Variants in VWA3B observed in about 807,000 individuals in gnomAD.
VWA3B encodes the protein von Willebrand factor A domain containing 3B, also known as von Willebrand factor A domain-containing protein 3B.
Under a neutral mutation model 158.3 loss-of-function variants are expected in VWA3B, and 138 were observed. That is an observed-to-expected ratio of 0.87 (90% CI 0.76 to 1.00). The LOEUF (loss-of-function observed/expected upper bound fraction) is 1.00, where lower values mean the gene tolerates loss of function less well. Ranked by LOEUF, VWA3B falls within the 50% of genes least tolerant of loss-of-function variation. The probability of loss-of-function intolerance (pLI) is 0.00; values close to 1 mark genes in which losing one functional copy is unlikely to be tolerated. For missense variants in VWA3B, 1,555 were observed against 1,565.1 expected, an observed-to-expected ratio of 0.99 and a Z score of 0.11; for synonymous variants, 596 against 587.3, an observed-to-expected ratio of 1.01 and a Z score of -0.21.
intron 7 of VWA3B, among the ~76,000 whole-genome samples, chr2:98,155,973 T>C (rs1678034909): frequency 6.6e-6 from 1 of 152,212 alleles, no homozygotes; most frequent in Non-Finnish European, 1.5e-5. Flanking sequence ...TGTGAACTTT[T>C]GTTGCAAAGA....
chr2:98,241,514 G>T (rs1686071744), intron 19 of VWA3B, among the ~76,000 whole-genome samples: 1 of 151,926 alleles, frequency 6.6e-6, no homozygotes, highest in South Asian at 2.1e-4. Flanking sequence ...AAACACTGCG[G>T]ATGTACCCAA....
chr2:98,190,947 C>G (rs1192285742), intron 10 of VWA3B, among the ~76,000 whole-genome samples: 1 of 152,070 alleles, frequency 6.6e-6, no homozygotes, highest in African/African-American at 2.4e-5. Flanking sequence ...GCCTCCCCCT[C>G]TCTTCTCCTT....
At chr2:98,311,732 G>T in intron 26 of VWA3B, 87 bp from the exon 27 acceptor site, 7 of 1,428,630 alleles carry the variant, frequency 4.9e-6, no homozygotes, top group Non-Finnish European at 6.5e-6. Flanking sequence ...GCAAGGAGCT[G>T]AGAAGCAGCC....
At position 98,299,859 on chromosome 2, in the gene VWA3B, C is replaced by G. The variant is rs115237711; in HGVS notation, c.3283-220C>G. Among the ~76,000 whole-genome samples the G allele has an allele frequency of 2.8e-3, 426 of 152,270 alleles. 2 individuals carry two copies. Among genetic ancestry groups the G allele is most frequent in the African/African-American group, 9.7e-3 (405 of 41,544 alleles). ...TTGGGTCCTTGTCAGTTGGTGAAGT[C>G]CTACCAAAATGGGGCTTCCCAAACT... On this transcript the variant is annotated intron_variant, in intron 24 of 27. Transcript: ENST00000477737.
chr2:98,127,657 G>A (rs1306180353), intron 5 of VWA3B, among the ~76,000 whole-genome samples: 2 of 149,510 alleles, frequency 1.3e-5, no homozygotes. Context: ...TCATGGCCTG[G>A]TTTGGCGGCA....
chr2:98,268,946 C>T (rs940157023), intron 21 of VWA3B, among the ~76,000 whole-genome samples: 2 of 152,028 alleles, frequency 1.3e-5, no homozygotes, highest in African/African-American at 4.8e-5. Context: ...ACTTTAATTT[C>T]TATGTTACCC....
Position 98,230,007 on chromosome 2 carries a change from T to C in VWA3B, c.2151-43T>C. On this transcript the variant is annotated intron_variant, in intron 15 of 27. Coordinates refer to ENST00000477737, the MANE Select transcript of VWA3B (RefSeq NM_144992.5). ...TGCCTTCTTGATGGAAATTTTCTTT[T>C]CTCTCTCTTTTTTTGCTCGACTTTT... is the stretch of plus-strand genomic sequence containing the variant. 3 of 1,529,204 alleles carry C rather than the reference T, an allele frequency of 2.0e-6. No individual in the cohort carries two copies. The South Asian group carries it at 4.0e-5, about 20-fold the overall frequency. The allele number at this position is 1,529,204 out of a possible 1,614,324, so 94.7% of individuals were successfully genotyped here.
At chr2:98,105,094 T>A (rs796585580) in intron 2 of VWA3B, among the ~76,000 whole-genome samples, 44 of 152,352 alleles carry the variant, frequency 2.9e-4, no homozygotes, top group African/African-American at 9.9e-4. Flanking sequence ...ATATTCTTCC[T>A]TCTTGTAGGA....
chr2:98,228,335 G>T lies in VWA3B; in HGVS notation c.2150+3G>T. 1 of 1,610,524 alleles carries T rather than the reference G, an allele frequency of 6.2e-7. No individual in the cohort carries two copies. Among genetic ancestry groups the T allele is most frequent in the South Asian group, 1.1e-5 (1 of 90,588 alleles). On this transcript the variant is annotated splice_donor_region_variant and intron_variant, in intron 15 of 27. Transcript: ENST00000477737. ...GCAGAAAAGGATGGAGACAGCAAGT[G>T]AGCACCTCTGCCCGCCTGTCTCCCT... is the stretch of plus-strand genomic sequence containing the variant.
At chr2:98,259,252 A>G (rs1250226311) in intron 21 of VWA3B, among the ~76,000 whole-genome samples, 1 of 151,816 alleles carries the variant, frequency 6.6e-6, no homozygotes, top group Non-Finnish European at 1.5e-5. Context: ...TGGCCTTGGT[A>G]TCAGGGTAAT....
intron 22 of VWA3B, among the ~76,000 whole-genome samples, chr2:98,282,582 G>A (rs567158835): frequency 3.3e-5 from 5 of 151,658 alleles, no homozygotes; most frequent in African/African-American, 9.7e-5. Context: ...GATTACAGGC[G>A]CACGGCACCA....
At chr2:98,095,722 A>G (rs867041764) in intron 2 of VWA3B, among the ~76,000 whole-genome samples, 44 of 152,314 alleles carry the variant, frequency 2.9e-4, no homozygotes, top group African/African-American at 9.9e-4. Context: ...AAATCTTTCA[A>G]CTTTCCTGCC....
rs753100835 is a variant in VWA3B, at chr2:98,228,130, G to T, written c.2020-72G>T. The T allele has an allele frequency of 8.7e-4, 1,301 of 1,492,562 alleles. 2 individuals carry two copies. The highest frequency in any genetic ancestry group is 1.1e-3 in the Non-Finnish European group (1,223 of 1,121,184). The allele number at this position is 1,492,562 out of a possible 1,614,324, so 92.5% of individuals were successfully genotyped here. ...ATAGTGAACCTCTTGTCTCTAAAAA[G>T]AAAAGAAACATGTTTGGAATTTGAG... On this transcript the variant is annotated intron_variant, in intron 14 of 27. Transcript: ENST00000477737.
intron 19 of VWA3B, among the ~76,000 whole-genome samples, chr2:98,239,839 G>T (rs995253373): frequency 6.6e-6 from 1 of 151,376 alleles, no homozygotes; most frequent in Non-Finnish European, 1.5e-5. Flanking sequence ...GCTTGAATTC[G>T]GGAGGCAGAG....
At chr2:98,097,892 C>A (rs1682820783) in intron 2 of VWA3B, among the ~76,000 whole-genome samples, 1 of 151,988 alleles carries the variant, frequency 6.6e-6, no homozygotes, top group Non-Finnish European at 1.5e-5. Flanking sequence ...GTTTGTTGGC[C>A]ATTTGTATAT....
At chr2:98,285,085 A>C (rs533227038) in intron 22 of VWA3B, among the ~76,000 whole-genome samples, 1 of 152,310 alleles carries the variant, frequency 6.6e-6, no homozygotes, top group East Asian at 1.9e-4. Flanking sequence ...TACCTATTTC[A>C]ACTCAATGAC....
intron 12 of VWA3B, among the ~76,000 whole-genome samples, chr2:98,209,998 G>C (rs1683372810): frequency 6.6e-6 from 1 of 152,168 alleles, no homozygotes; most frequent in Non-Finnish European, 1.5e-5. Flanking sequence ...TGTCTGCAGG[G>C]GTGGAAGGCA....
downstream of VWA3B, among the ~76,000 whole-genome samples, chr2:98,314,620 A>T (rs561701684): frequency 1.3e-5 from 2 of 152,342 alleles, no homozygotes; most frequent in South Asian, 2.1e-4. Flanking sequence ...ATTTATAGGG[A>T]TACAAAAATA....
At chr2:98,302,746 C>G (rs1171077013) in intron 25 of VWA3B, among the ~76,000 whole-genome samples, 1 of 152,214 alleles carries the variant, frequency 6.6e-6, no homozygotes, top group Non-Finnish European at 1.5e-5. Context: ...GGCCTACCCT[C>G]TAAACTACCA....
Sources: allele counts gnomAD v4.1 joint callset (sites outside exome capture counted in the v4.1 genomes callset), GRCh38; gene constraint gnomAD v4.1.1; transcripts MANE v1.5; gene names NCBI Gene and HGNC (gene_info 2026-07-23, HGNC 2026-07-21).